Variants in ARHGEF3 observed in about 807,000 individuals in gnomAD.
The protein encoded by ARHGEF3 is Rho guanine nucleotide exchange factor 3, also known as 59.8 kDA protein.
A neutral mutation model predicts 63.2 loss-of-function variants in ARHGEF3; 28 were observed. The ratio of observed to expected loss-of-function variants is 0.44; its 90% confidence interval spans 0.33 to 0.61. The LOEUF (loss-of-function observed/expected upper bound fraction) is 0.61, where lower values mean the gene tolerates loss of function less well. ARHGEF3 is among the 20% of genes least tolerant of loss of function. The probability of loss-of-function intolerance (pLI) is 0.03; values close to 1 mark genes in which losing one functional copy is unlikely to be tolerated. For missense variants in ARHGEF3, 533 were observed against 659.3 expected (o/e 0.81, Z 2.10); for synonymous variants, 266 against 254.2 (o/e 1.05, Z -0.44).
At chr3:56,951,874 G>C (rs1052670016) in intron 3 of ARHGEF3, among the ~76,000 whole-genome samples, 1 of 151,918 alleles carries the variant, frequency 6.6e-6, no homozygotes, top group African/African-American at 2.4e-5. Context: ...CATGTGCTTT[G>C]GAATGAGGTG....
chr3:56,989,292 G>C (rs530898606), intron 2 of ARHGEF3, among the ~76,000 whole-genome samples: 1 of 148,442 alleles, frequency 6.7e-6, no homozygotes, highest in African/African-American at 2.5e-5. Context: ...CCTCGCTTGC[G>C]TTTTTTTTTT....
intron 2 of ARHGEF3, among the ~76,000 whole-genome samples, chr3:57,007,637 A>G (rs1702519210): frequency 1.3e-5 from 2 of 152,118 alleles, no homozygotes; most frequent in Non-Finnish European, 2.9e-5. Context: ...CTAGCCGACC[A>G]GGGACGGGTG....
intron 1 of ARHGEF3, among the ~76,000 whole-genome samples, chr3:57,076,138 T>A (rs1266981475): frequency 6.6e-6 from 1 of 152,184 alleles, no homozygotes; most frequent in Non-Finnish European, 1.5e-5. Flanking sequence ...GATTAAGGAA[T>A]GATACAGAAA....
At chr3:56,898,227 T>C (rs2041376051) in intron 3 of ARHGEF3, among the ~76,000 whole-genome samples, 1 of 152,024 alleles carries the variant, frequency 6.6e-6, no homozygotes, top group South Asian at 2.1e-4. Context: ...TATTTATTTA[T>C]GAGATGGAGT....
Position 56,961,723 on chromosome 3 carries a change from G to A in ARHGEF3, c.63-2834C>T, listed in dbSNP as rs563594658. ...TCATCCCACCACCATTCAGGCTTCC[G>A]GTCATTCACATTAGCTACAGTCCCT... On this transcript the variant is annotated intron_variant, in intron 2 of 12. Transcript: ENST00000338458. Among the ~76,000 whole-genome samples, 31 of 151,994 alleles carry A rather than the reference G, an allele frequency of 2.0e-4. No individual in the cohort carries two copies. The South Asian group carries it at 2.3e-3, about 11-fold the overall frequency.
At chr3:57,053,682 G>C (rs543996937) in intron 1 of ARHGEF3, among the ~76,000 whole-genome samples, 1 of 152,144 alleles carries the variant, frequency 6.6e-6, no homozygotes, top group African/African-American at 2.4e-5. Context: ...TACCCCAAAG[G>C]TAACTGCTAT....
intron 2 of ARHGEF3, among the ~76,000 whole-genome samples, chr3:56,760,658 A>T (rs1297479541): frequency 6.6e-6 from 1 of 152,182 alleles, no homozygotes; most frequent in Non-Finnish European, 1.5e-5. Context: ...AGGGAGGCTA[A>T]GATTCAAAAC....
intron 1 of ARHGEF3, among the ~76,000 whole-genome samples, chr3:57,076,492 C>A (rs958708522): frequency 6.6e-6 from 1 of 152,148 alleles, no homozygotes; most frequent in Non-Finnish European, 1.5e-5. Context: ...GGTACAGGGA[C>A]TACATCTGGT....
intron 7 of ARHGEF3, among the ~76,000 whole-genome samples, chr3:56,741,332 T>C (rs911204637): frequency 3.3e-5 from 5 of 149,836 alleles, no homozygotes; most frequent in African/African-American, 1.2e-4. Flanking sequence ...ATTACAGGCA[T>C]GCACCACCAT....
intron 4 of ARHGEF3, among the ~76,000 whole-genome samples, chr3:56,866,169 C>CACAAA (rs1184875454): frequency 3.9e-5 from 6 of 151,984 alleles, no homozygotes; most frequent in South Asian, 4.2e-4. Context: ...TGTCTCAAAA[C>CACAAA]ACAAAACAAA....
intron 2 of ARHGEF3, among the ~76,000 whole-genome samples, chr3:56,994,083 A>AAAAAAAAAAAAAAAAAAAAAC (rs1319930684): frequency 6.8e-6 from 1 of 146,058 alleles, no homozygotes; most frequent in Non-Finnish European, 1.5e-5. Context: ...AAAAAAAAAA[A>AAAAAAAAAAAAAAAAAAAAAC]AAGCACACTG....
chr3:57,061,165 T>C (rs1579192872), intron 1 of ARHGEF3, among the ~76,000 whole-genome samples: 1 of 152,202 alleles, frequency 6.6e-6, no homozygotes, highest in East Asian at 1.9e-4. Flanking sequence ...CCCTACTGTA[T>C]TAATACTTCT....
intron 1 of ARHGEF3, among the ~76,000 whole-genome samples, chr3:57,041,389 T>C (rs1379669386): frequency 6.6e-6 from 1 of 152,168 alleles, no homozygotes; most frequent in Non-Finnish European, 1.5e-5. Context: ...CCAAAGTGTA[T>C]CATGGTAGGG....
intron 4 of ARHGEF3, among the ~76,000 whole-genome samples, chr3:56,825,170 G>T (rs1247850044): frequency 6.6e-6 from 1 of 152,230 alleles, no homozygotes; most frequent in Non-Finnish European, 1.5e-5. Context: ...TGTGAAAACT[G>T]CATGAGATGA....
chr3:56,857,029 A>C (rs1473934948), intron 4 of ARHGEF3, among the ~76,000 whole-genome samples: 7 of 152,208 alleles, frequency 4.6e-5, no homozygotes, highest in African/African-American at 1.4e-4. Context: ...CTGCCAGATC[A>C]CATGACTGAT....
At chr3:56,930,497 C>G (rs1458098506) in intron 3 of ARHGEF3, among the ~76,000 whole-genome samples, 2 of 152,150 alleles carry the variant, frequency 1.3e-5, no homozygotes, top group Non-Finnish European at 2.9e-5. Flanking sequence ...GCAACACACA[C>G]AGAGGCACAG....
chr3:56,859,811 T>A (rs1040197938), intron 4 of ARHGEF3, among the ~76,000 whole-genome samples: 1 of 151,784 alleles, frequency 6.6e-6, no homozygotes. Context: ...GTGCTGGGGT[T>A]ACAGGCATGA....
chr3:57,069,201 G>A (rs779274222), intron 1 of ARHGEF3, among the ~76,000 whole-genome samples: 7 of 152,092 alleles, frequency 4.6e-5, no homozygotes, highest in Non-Finnish European at 8.8e-5. Flanking sequence ...GATTACAGGC[G>A]TGAGCCACCA....
At position 56,773,773 on chromosome 3, in the gene ARHGEF3, G is replaced by A. The variant is rs1269090226; in HGVS notation, c.140C>T (p.Ser47Leu). Residue 47 changes from serine (S) to leucine (L), a missense_variant, in exon 2 of 10, where the codon TCG (serine) becomes TTG (leucine). By Grantham distance (145) the Ser-to-Leu change is moderately radical. Around this residue, in one of 4 missense-constraint regions of ARHGEF3, gnomAD observed 160 missense variants for 157.3 expected, o/e 1.02. Coordinates refer to ENST00000296315, the MANE Select transcript of ARHGEF3 (RefSeq NM_019555.3). Reference protein sequence around the residue: ...KRVKPLSRVTSLANLIPPVKA... With the variant: ...KRVKPLSRVTLLANLIPPVKA... ...CACGGGCGGGATGAGGTTTGCTAGC[G>A]ACGTGACTCGGGAAAGGGGTTTGAC... 2.5e-6 allele frequency: 4 copies of A among 1,601,968 alleles called. No homozygotes were observed. Among genetic ancestry groups the A allele is most frequent in the African/African-American group, 1.4e-5 (1 of 73,718 alleles).
Sources: allele counts gnomAD v4.1 joint callset (sites outside exome capture counted in the v4.1 genomes callset), GRCh38; gene constraint gnomAD v4.1.1; regional missense constraint gnomAD v4.1.1; transcripts MANE v1.5; gene names NCBI Gene and HGNC (gene_info 2026-07-23, HGNC 2026-07-21).